Variants in IL1R1 observed in about 807,000 individuals in gnomAD.
IL1R1 encodes the protein interleukin-1 receptor type 1.
Under a neutral mutation model 50.2 loss-of-function variants are expected in IL1R1, and 22 were observed. The observed-to-expected ratio is 0.44, with a 90% CI of 0.31 to 0.63. The LOEUF is 0.63. IL1R1 is among the 20% of genes least tolerant of loss of function. The probability of loss-of-function intolerance (pLI) is 0.07; values close to 1 mark genes in which losing one functional copy is unlikely to be tolerated. For missense variants in IL1R1, 509 were observed against 676.2 expected (o/e 0.75, Z 2.74); for synonymous variants, 251 against 236.7 (o/e 1.06, Z -0.55).
chr2:102,095,328 T>C (rs1332111371), intron 1 of IL1R1, among the ~76,000 whole-genome samples: 2 of 152,214 alleles, frequency 1.3e-5, no homozygotes, highest in Admixed American at 6.5e-5. Flanking sequence ...ATTTATCTGT[T>C]AGGAAAAAAC....
chr2:102,095,190 C>G (rs1470200697), intron 1 of IL1R1, among the ~76,000 whole-genome samples: 1 of 152,150 alleles, frequency 6.6e-6, no homozygotes, highest in Non-Finnish European at 1.5e-5. Flanking sequence ...GCAATCCTTG[C>G]ACAGCAAGTC....
In IL1R1 at chr2:102,178,909, T is replaced by C. The variant is rs200247030; in HGVS notation, c.*2150T>C. The C allele has an allele frequency of 1.3e-5, 2 of 152,314 alleles. No individual in the cohort carries two copies. Among genetic ancestry groups the C allele is most frequent in the Non-Finnish European group, 2.9e-5 (2 of 68,026 alleles). 9.4% of individuals were successfully genotyped at this position (152,314 alleles called of 1,614,324 possible). Reference sequence around the variant, plus strand: ...TTATATTTCTCGTATTTAATATGGGTGAACACCAACTTTTATTTGGAATAA... The same window carrying C: ...TTATATTTCTCGTATTTAATATGGGCGAACACCAACTTTTATTTGGAATAA... On this transcript the variant is annotated 3_prime_UTR_variant, in exon 12 of 12. Transcript: ENST00000410023.
At chr2:102,131,386 A>G (rs1682020909) in intron 1 of IL1R1, among the ~76,000 whole-genome samples, 1 of 152,254 alleles carries the variant, frequency 6.6e-6, no homozygotes, top group Non-Finnish European at 1.5e-5. Context: ...AATAATGCAG[A>G]GGAAAATGAG....
At chr2:102,104,816 T>G (rs1238977827) in exon 1 of IL1R1, 1 of 152,224 alleles carries the variant, frequency 6.6e-6, no homozygotes, top group Non-Finnish European at 1.5e-5. Context: ...CCCGACATTC[T>G]CCACCTCCTG....
intron 1 of IL1R1, among the ~76,000 whole-genome samples, chr2:102,082,863 AAAATTTTTCTAATCACT>A (rs1317848491): frequency 6.6e-6 from 1 of 152,178 alleles, no homozygotes; most frequent in African/African-American, 2.4e-5. Flanking sequence ...TAAGAGTTTT[AAAATTTTTCTAATCACT>A]AAGCATGTTA....
chr2:102,147,205 T>TCC (rs1166651093), intron 1 of IL1R1, among the ~76,000 whole-genome samples: 1 of 152,178 alleles, frequency 6.6e-6, no homozygotes, highest in East Asian at 1.9e-4. Context: ...TGTTGCAATT[T>TCC]ATGGAACTGT....
At chr2:102,090,056 G>A (rs920673345) in intron 1 of IL1R1, among the ~76,000 whole-genome samples, 9 of 151,392 alleles carry the variant, frequency 5.9e-5, no homozygotes, top group African/African-American at 2.2e-4. Flanking sequence ...GGATGGTCTC[G>A]ATCTCCTGAC....
chr2:102,139,805 G>A (rs1190624973), upstream of IL1R1, among the ~76,000 whole-genome samples: 2 of 152,262 alleles, frequency 1.3e-5, no homozygotes, highest in African/African-American at 2.4e-5. Flanking sequence ...AAGCCCAACA[G>A]ATGGCAGTGC....
chr2:102,135,928 A>G (rs770177832), intron 1 of IL1R1, among the ~76,000 whole-genome samples: 3 of 152,194 alleles, frequency 2.0e-5, no homozygotes, highest in Non-Finnish European at 4.4e-5. Context: ...GGCTACATGA[A>G]TTGCACAGCA....
At chr2:102,101,219 G>T (rs1680127298), upstream of IL1R1, among the ~76,000 whole-genome samples, 1 of 152,182 alleles carries the variant, frequency 6.6e-6, no homozygotes, top group Non-Finnish European at 1.5e-5. Flanking sequence ...GCCACACTTT[G>T]TGTCCCAAGA....
chr2:102,136,310 C>T (rs1238374339), intron 1 of IL1R1, among the ~76,000 whole-genome samples: 3 of 151,800 alleles, frequency 2.0e-5, no homozygotes, highest in African/African-American at 4.8e-5. Context: ...CTCCCAACCC[C>T]TGGGCCCGAG....
intron 1 of IL1R1, among the ~76,000 whole-genome samples, chr2:102,110,131 T>C (rs1007161981): frequency 6.6e-6 from 1 of 152,158 alleles, no homozygotes; most frequent in Non-Finnish European, 1.5e-5. Context: ...TCCTCACCAA[T>C]AGGCGAGTCT....
chr2:102,172,886 A>G (rs1206135180), intron 9 of IL1R1, 48 bp downstream of exon 9: 1 of 1,373,660 alleles, frequency 7.3e-7, no homozygotes, highest in Non-Finnish European at 1.0e-6. Context: ...CTGTAGTAAG[A>G]TTCCATGACT....
intron 1 of IL1R1, among the ~76,000 whole-genome samples, chr2:102,151,891 G>A (rs538032076): frequency 1.3e-5 from 2 of 152,294 alleles, no homozygotes; most frequent in East Asian, 3.9e-4. Context: ...GGCAAGGTAG[G>A]GAGCCAGCGC....
chr2:102,096,608 A>G (rs997819697), intron 1 of IL1R1, among the ~76,000 whole-genome samples: 65 of 151,490 alleles, frequency 4.3e-4, no homozygotes, highest in African/African-American at 1.5e-3. Flanking sequence ...TGTTTGTGTT[A>G]CTAACTCTTT....
chr2:102,099,658 C>A (rs1559461209), upstream of IL1R1, among the ~76,000 whole-genome samples: 1 of 152,184 alleles, frequency 6.6e-6, no homozygotes, highest in Non-Finnish European at 1.5e-5. Context: ...CCAGTGATGA[C>A]CTCCTTTGTA....
chr2:102,161,207 G>T (rs944781782), intron 3 of IL1R1, among the ~76,000 whole-genome samples: 1 of 151,970 alleles, frequency 6.6e-6, no homozygotes, highest in African/African-American at 2.4e-5. Flanking sequence ...AGTTATTTAG[G>T]AGTATGTTAA....
chr2:102,077,153 C>T (rs1295516502), intron 1 of IL1R1, among the ~76,000 whole-genome samples: 1 of 152,142 alleles, frequency 6.6e-6, no homozygotes, highest in African/African-American at 2.4e-5. Context: ...TCACTGCAAC[C>T]TCCACCTCCT....
chr2:102,165,069 A>G, intron 4 of IL1R1, 46 bp from the exon 5 acceptor site: 5 of 1,558,290 alleles, frequency 3.2e-6, no homozygotes, highest in Non-Finnish European at 4.4e-6. Context: ...TTAAGGACAG[A>G]AATACTTTTA....
Sources: gnomAD v4.1 joint callset for allele counts (sites outside exome capture counted in the v4.1 genomes callset) on GRCh38, gnomAD v4.1.1 for gene constraint, MANE v1.5 for transcripts, NCBI Gene and HGNC (gene_info 2026-07-23, HGNC 2026-07-21) for gene names.